The following ANXA6 variants were observed in gnomAD, a reference collection of about 807,000 sequenced individuals.
ANXA6 encodes the protein 67 kDa calelectrin.
A neutral mutation model predicts 95.4 loss-of-function variants in ANXA6; 71 were observed. The ratio of observed to expected loss-of-function variants is 0.74; its 90% CI spans 0.61 to 0.91. The LOEUF is 0.91. ANXA6 is among the 40% of genes least tolerant of loss of function. The pLI is 0.00. For missense variants in ANXA6, 830 were observed against 876.4 expected (o/e 0.95, Z 0.67); for synonymous variants, 289 against 315.9 (o/e 0.91, Z 0.90).
intron 2 of ANXA6, among the ~76,000 whole-genome samples, chr5:151,141,309 A>T (rs778289104): frequency 9.2e-5 from 14 of 152,192 alleles, no homozygotes; most frequent in Non-Finnish European, 1.5e-4. Context: ...CCCTACACTA[A>T]TGGCTGAGGA....
chr5:151,147,975 C>T (rs369561700), intron 1 of ANXA6, 49 bp from the exon 2 acceptor site: 343 of 1,519,228 alleles, frequency 2.3e-4, no homozygotes, highest in Non-Finnish European at 3.0e-4. Context: ...CTCTAACCAT[C>T]CCCTTTCTTT....
At chr5:151,103,822 G>T in intron 24 of ANXA6, 130 bp from the exon 25 acceptor site, 1 of 1,177,982 alleles carries the variant, frequency 8.5e-7, no homozygotes, top group Non-Finnish European at 1.1e-6. Flanking sequence ...TTCCACCTCT[G>T]TCTTCTGCAA....
chr5:151,129,729 C>G lies in ANXA6; in HGVS notation c.796-200G>C, dbSNP rs529823641. Among the ~76,000 whole-genome samples, 5 of 111,776 alleles carry G rather than the reference C, an allele frequency of 4.5e-5. No individual in the cohort carries two copies. The East Asian group carries it at 1.3e-3, about 28-fold the overall frequency. The allele number at this position is 111,776 out of a possible 152,430, so 73.3% of individuals were successfully genotyped here. On this transcript the variant is annotated intron_variant, in intron 11 of 25. Transcript: ENST00000354546. ...TGTTTGTTTGTTTGTTTGTTTGTTTCTGAGACAGTGTCTCACTCTTGTCCA... is the reference window on the plus strand; with the variant it reads ...TGTTTGTTTGTTTGTTTGTTTGTTTGTGAGACAGTGTCTCACTCTTGTCCA...
At chr5:151,105,120 T>C in intron 24 of ANXA6, 125 bp downstream of exon 24, 2 of 948,104 alleles carry the variant, frequency 2.1e-6, no homozygotes, top group Non-Finnish European at 3.4e-6. Flanking sequence ...CAGATGCTAA[T>C]AAATGTCAAA....
chr5:151,133,379 G>A (rs549088468), intron 8 of ANXA6, 192 bp from the exon 9 acceptor site: 194 of 559,526 alleles, frequency 3.5e-4, no homozygotes, highest in South Asian at 5.7e-4. Flanking sequence ...ATTGTTAGGC[G>A]ACTTTGCCAT....
intron 2 of ANXA6, chr5:151,141,548 G>A (rs181844167): frequency 2.8e-5 from 28 of 985,508 alleles, no homozygotes; most frequent in African/African-American, 1.4e-4. Context: ...AGGAGTCAGA[G>A]GTGGAGCAGA....
rs1764538067 is a variant in ANXA6 at position 151,101,212 on chromosome 5, T to A, written c.*236A>T. On this transcript the variant is annotated 3_prime_UTR_variant, in exon 26 of 26. Transcript: ENST00000354546. ...GGAAAGCCTGAGGGTCAGAGGGGAG[T>A]GGAGGTGGACAGGATCTATGGCTAC... 1 of 604,706 alleles carries A rather than the reference T, an allele frequency of 1.7e-6. No individual in the cohort carries two copies. The highest frequency in any genetic ancestry group is 3.0e-6 in the Non-Finnish European group (1 of 335,218). 37.5% of individuals were successfully genotyped at this position (604,706 alleles called of 1,614,324 possible).
intron 17 of ANXA6, among the ~76,000 whole-genome samples, chr5:151,120,916 C>T (rs1240009509): frequency 1.3e-5 from 2 of 152,182 alleles, no homozygotes; most frequent in African/African-American, 2.4e-5. Flanking sequence ...GCCCTCGTCT[C>T]CCCCTAACTC....
intron 18 of ANXA6, among the ~76,000 whole-genome samples, chr5:151,118,128 C>T (rs192722872): frequency 4.4e-4 from 67 of 152,280 alleles, no homozygotes; most frequent in African/African-American, 1.6e-3. Flanking sequence ...AGTCACCTCC[C>T]TGTTGTCATT....
rs184029774 is a variant in ANXA6 at position 151,153,741 on chromosome 5, T to G, written c.-26+3939A>C. Among the ~76,000 whole-genome samples the G allele has an allele frequency of 1.9e-3, 282 of 152,356 alleles. 5 individuals carry two copies. The East Asian group carries it at 0.039, about 21-fold the overall frequency. The stretch of plus-strand genomic sequence containing the variant: ...CTATTTTGTAAAGGTCCAATTGATT[T>G]CCCACCCCCTCAGGTAAAAAAAGAG... On this transcript the variant is annotated intron_variant, in intron 1 of 25. Transcript: ENST00000354546.
chr5:151,116,876 G>A (rs1010818983), intron 20 of ANXA6, among the ~76,000 whole-genome samples: 1 of 152,170 alleles, frequency 6.6e-6, no homozygotes. Flanking sequence ...GTAACATGAG[G>A]GCTTTGACCT....
intron 18 of ANXA6, among the ~76,000 whole-genome samples, chr5:151,118,917 G>A (rs1466562082): frequency 6.6e-6 from 1 of 152,134 alleles, no homozygotes; most frequent in Non-Finnish European, 1.5e-5. Flanking sequence ...ATGAAAATAT[G>A]GGGCCACTCG....
chr5:151,138,771 C>A lies in ANXA6; in HGVS notation c.225G>T (p.Lys75Asn). 6.2e-7 allele frequency: 1 copy of A among 1,613,692 alleles called. No homozygotes were observed. Among genetic ancestry groups the A allele is most frequent in the South Asian group, 1.1e-5 (1 of 91,034 alleles). The change falls in exon 5 of 26, where the codon AAG becomes AAT. Residue 75 changes from lysine to asparagine, a missense_variant. Coordinates refer to ENST00000354546, the MANE Select transcript of ANXA6 (RefSeq NM_001155.5). The stretch of plus-strand genomic sequence containing the variant: ...GTTCAAACTTGCCCGTCAATTCATA[C>A]TTTAAATCAGCAATGAGGTCCTGGC... Reference protein sequence around the residue: ...LYGKDLIADLKYELTGKFERL... With the variant: ...LYGKDLIADLNYELTGKFERL...
rs758359911 is a variant in ANXA6, at chr5:151,122,972, C to T, written c.1178G>A (p.Arg393His). 185 of 1,613,778 alleles carry T rather than the reference C, an allele frequency of 1.1e-4. No individual in the cohort carries two copies. Among genetic ancestry groups the T allele is most frequent in the Non-Finnish European group, 1.5e-4 (180 of 1,179,894 alleles). The part of the protein sequence containing the change: ...EDTIIDIITH[R>H]SNVQRQQIRQ... ...GATCTGCTGCCGCTGGACATTGCTG[C>T]GGTGCGTGATGATATCGATGATTGT... The change falls in exon 16 of 26, where the codon CGC becomes CAC. Residue 393 changes from arginine to histidine, a missense_variant. By Grantham distance (29) the Arg-to-His change is conservative. Transcript: ENST00000354546.
chr5:151,139,832 C>T (rs900935547), intron 3 of ANXA6, among the ~76,000 whole-genome samples: 1 of 152,130 alleles, frequency 6.6e-6, no homozygotes, highest in Non-Finnish European at 1.5e-5. Flanking sequence ...GCACCACCTT[C>T]GGATTGTGGC....
intron 6 of ANXA6, 54 bp from the exon 7 acceptor site, chr5:151,136,389 G>T (rs1765663841): frequency 6.5e-7 from 1 of 1,538,020 alleles, no homozygotes; most frequent in Non-Finnish European, 9.0e-7. Flanking sequence ...CAGGGATCTA[G>T]GATAAAGGGC....
At position 151,117,603 on chromosome 5, in the gene ANXA6, G is replaced by T. The variant is rs76034411; in HGVS notation, c.1518+155C>A. Among the ~76,000 whole-genome samples the T allele has an allele frequency of 1.8e-4, 28 of 152,346 alleles. No individual in the cohort carries two copies. The East Asian group carries it at 5.4e-3, about 29-fold the overall frequency. ...CAACTTTGACAAGGGAACAACAGGG[G>T]TAGGCGGTGGAACTCTAAGGAGGCA... is the stretch of plus-strand genomic sequence containing the variant. On this transcript the variant is annotated intron_variant, in intron 19 of 25. Coordinates refer to ENST00000354546, the MANE Select transcript of ANXA6 (RefSeq NM_001155.5).
chr5:151,157,486 G>A (rs183154728), intron 1 of ANXA6, among the ~76,000 whole-genome samples, 194 bp downstream of exon 1: 2 of 151,900 alleles, frequency 1.3e-5, no homozygotes, highest in Non-Finnish European at 2.9e-5. Flanking sequence ...TCTCCGCCCC[G>A]ACCCCAGATT....
intron 8 of ANXA6, 60 bp downstream of exon 8, chr5:151,134,367 C>G: frequency 2.5e-6 from 4 of 1,579,258 alleles, no homozygotes; most frequent in Non-Finnish European, 3.5e-6. Flanking sequence ...AGGGCCCCAA[C>G]CTCTCCCCTC....
Sources: allele counts gnomAD v4.1 joint callset (sites outside exome capture counted in the v4.1 genomes callset), GRCh38; gene constraint gnomAD v4.1.1; transcripts MANE v1.5; gene names NCBI Gene and HGNC (gene_info 2026-07-23, HGNC 2026-07-21).